Variants in PHF24 observed in about 807,000 individuals in gnomAD.
PHF24 encodes Galpha inhibitory interacting protein.
PHF24 carries 25 observed loss-of-function variants against 42.6 expected under a neutral mutation model. The ratio of observed to expected loss-of-function variants is 0.59; its 90% CI spans 0.43 to 0.82. PHF24 has a LOEUF of 0.82. Among genes scored for constraint, PHF24 ranks in the 40% least tolerant of loss-of-function variants. The pLI is 0.00. For missense variants in PHF24, 470 were observed against 538.1 expected (o/e 0.87, Z 1.25); for synonymous variants, 185 against 204.8 (o/e 0.90, Z 0.83).
chr9:34,862,913 A>G, the PHF24 span, among the ~76,000 whole-genome samples: 1 of 151,884 alleles, frequency 6.6e-6, no homozygotes, highest in Admixed American at 6.6e-5. Context: ...AAGGGAGCCT[A>G]CTGCCCTGAA....
chr9:34,848,918 A>G, the PHF24 span, among the ~76,000 whole-genome samples: 728 of 152,042 alleles, frequency 4.8e-3, 11 homozygotes, highest in African/African-American at 0.017. Flanking sequence ...GTTTTGAGTG[A>G]GTTTCTTAAT....
At chr9:34,850,328 C>T in the PHF24 span, among the ~76,000 whole-genome samples, 1 of 152,044 alleles carries the variant, frequency 6.6e-6, no homozygotes, top group Non-Finnish European at 1.5e-5. Flanking sequence ...TCTAAACTTC[C>T]CTTCTCGCTT....
At chr9:34,741,716 C>T in the PHF24 span, among the ~76,000 whole-genome samples, 8 of 152,352 alleles carry the variant, frequency 5.3e-5, no homozygotes, top group East Asian at 7.7e-4. Flanking sequence ...CAAGTGACGG[C>T]TGGGCTGGCT....
At chr9:34,723,097 C>G in the PHF24 span, 1 of 1,082,298 alleles carries the variant, frequency 9.2e-7, no homozygotes, top group South Asian at 1.7e-5. Context: ...TCTGTCCCAC[C>G]TGCACATTTA....
At chr9:34,904,255 A>T in the PHF24 span, among the ~76,000 whole-genome samples, 1 of 152,162 alleles carries the variant, frequency 6.6e-6, no homozygotes, top group African/African-American at 2.4e-5. Context: ...GACTTCCAGT[A>T]CTATGTTGAA....
upstream of PHF24, among the ~76,000 whole-genome samples, chr9:34,955,079 G>T (rs965739007): frequency 2.6e-5 from 4 of 152,144 alleles, no homozygotes; most frequent in African/African-American, 7.2e-5. Flanking sequence ...TTGCTATGTT[G>T]CCCAGGCTGG....
chr9:34,864,111 G>A, the PHF24 span, among the ~76,000 whole-genome samples: 917 of 152,110 alleles, frequency 6.0e-3, 9 homozygotes, highest in African/African-American at 0.02. Flanking sequence ...GAATACGAAA[G>A]AATAAAGAAT....
chr9:34,709,204 A>G, the PHF24 span: 2 of 707,438 alleles, frequency 2.8e-6, no homozygotes, highest in Non-Finnish European at 4.8e-6. Context: ...TGCTGTGGGC[A>G]GCTCAGCCAT....
chr9:34,680,778 A>AACC, the PHF24 span: 1 of 150,546 alleles, frequency 6.6e-6, no homozygotes, highest in Non-Finnish European at 1.5e-5. Context: ...TAAGTCCCAG[A>AACC]ACCAGTTGCA....
At chr9:34,733,727 C>T in the PHF24 span, among the ~76,000 whole-genome samples, 3 of 151,562 alleles carry the variant, frequency 2.0e-5, no homozygotes, top group Non-Finnish European at 4.4e-5. Context: ...GGTTTTGAAC[C>T]CCTAGTCTCA....
chr9:34,862,731 G>A, the PHF24 span, among the ~76,000 whole-genome samples: 1 of 151,816 alleles, frequency 6.6e-6, no homozygotes, highest in Admixed American at 6.6e-5. Context: ...TGGTGGCTAT[G>A]GGGGAAAGTG....
the PHF24 span, among the ~76,000 whole-genome samples, chr9:34,788,858 T>A: frequency 6.6e-6 from 1 of 152,170 alleles, no homozygotes; most frequent in Non-Finnish European, 1.5e-5. Context: ...TACCTTAAGA[T>A]GCCCAGTAAT....
chr9:34,723,386 C>G, the PHF24 span: 1 of 1,551,692 alleles, frequency 6.4e-7, no homozygotes, highest in African/African-American at 1.4e-5. Flanking sequence ...GAAGGCTGGG[C>G]CCACCAGCTT....
the PHF24 span, among the ~76,000 whole-genome samples, chr9:34,769,861 AAGAT>A: frequency 6.6e-6 from 1 of 152,166 alleles, no homozygotes; most frequent in Admixed American, 6.5e-5. Context: ...CTTCTTGAAA[AAGAT>A]AGGCAAATTC....
At chr9:34,812,813 C>A in the PHF24 span, among the ~76,000 whole-genome samples, 1 of 152,222 alleles carries the variant, frequency 6.6e-6, no homozygotes, top group African/African-American at 2.4e-5. Context: ...GCAGTGGGAA[C>A]TATCCCGATT....
At chr9:34,723,644 T>C in the PHF24 span, 12 of 1,551,724 alleles carry the variant, frequency 7.7e-6, no homozygotes, top group African/African-American at 1.4e-5. Flanking sequence ...CTTTTGAGCA[T>C]GGACTGGCAT....
the PHF24 span, among the ~76,000 whole-genome samples, chr9:34,846,718 T>A: frequency 6.6e-6 from 1 of 152,180 alleles, no homozygotes; most frequent in Non-Finnish European, 1.5e-5. Flanking sequence ...TCTTCTAGGG[T>A]TTTTATGGTT....
upstream of PHF24, chr9:34,958,193 C>T (rs1230206243): frequency 6.6e-6 from 1 of 152,148 alleles, no homozygotes; most frequent in Admixed American, 6.7e-5. The surrounding 1 kb of genome is among the most constrained non-coding windows in gnomAD (Gnocchi z 4.5). Context: ...ACGCCGCAGC[C>T]CCCCGGGGCG....
At chr9:34,899,717 G>T in the PHF24 span, among the ~76,000 whole-genome samples, 62 of 152,276 alleles carry the variant, frequency 4.1e-4, no homozygotes, top group African/African-American at 1.2e-3. Flanking sequence ...ATTGTGGGGA[G>T]TAACAGTAGA....
Sources: gnomAD v4.1 joint callset for allele counts (sites outside exome capture counted in the v4.1 genomes callset) on GRCh38, gnomAD v4.1.1 for gene constraint, Gnocchi (gnomAD v3.1) non-coding constraint, MANE v1.5 for transcripts, NCBI Gene and HGNC (gene_info 2026-07-23, HGNC 2026-07-21) for gene names.